Variants in WDR49 observed in about 807,000 individuals in gnomAD.
The protein encoded by WDR49 is cilia- and flagella-associated protein 337.
WDR49 carries 107 observed loss-of-function variants against 119.5 expected under a neutral mutation model. The observed-to-expected ratio is 0.90, with a 90% CI of 0.77 to 1.05. The LOEUF is 1.05. Among genes scored for constraint, WDR49 ranks in the 50% least tolerant of loss-of-function variants. The pLI is 0.00. For synonymous variants in WDR49, 425 were observed against 418.8 expected, an observed-to-expected ratio of 1.01 and a Z score of -0.18; for missense variants, 1,240 against 1,220.5, an observed-to-expected ratio of 1.02 and a Z score of -0.24.
intron 10 of WDR49, among the ~76,000 whole-genome samples, chr3:167,545,597 G>A (rs1402857363): frequency 6.7e-6 from 1 of 148,398 alleles, no homozygotes; most frequent in Non-Finnish European, 1.5e-5. Flanking sequence ...TATTCTAAGT[G>A]AAGTAACTCA....
intron 18 of WDR49, among the ~76,000 whole-genome samples, chr3:167,483,927 A>G (rs1750822175): frequency 6.6e-6 from 1 of 152,204 alleles, no homozygotes; most frequent in East Asian, 1.9e-4. Context: ...TAAATGCGTA[A>G]TGGTAATCAA....
chr3:167,544,278 T>C (rs1476203010), intron 10 of WDR49, among the ~76,000 whole-genome samples: 1 of 151,778 alleles, frequency 6.6e-6, no homozygotes, highest in Non-Finnish European at 1.5e-5. Flanking sequence ...CCCATGAAAA[T>C]ACCATCATCA....
chr3:167,510,545 C>T (rs1364865113), intron 16 of WDR49, among the ~76,000 whole-genome samples: 1 of 151,856 alleles, frequency 6.6e-6, no homozygotes. Context: ...AGAATTAGGC[C>T]TTTCTATTAA....
At chr3:167,622,604 A>G (rs1310620308) in intron 3 of WDR49, among the ~76,000 whole-genome samples, 1 of 152,160 alleles carries the variant, frequency 6.6e-6, no homozygotes, top group Non-Finnish European at 1.5e-5. Context: ...CAGAGTAGGC[A>G]TTTCAATAAT....
chr3:167,612,366 T>G (rs1228913566), intron 5 of WDR49, among the ~76,000 whole-genome samples: 1 of 147,668 alleles, frequency 6.8e-6, no homozygotes, highest in East Asian at 2.0e-4. Context: ...AGTGCCTTCA[T>G]CAAAAAAAAA....
At chr3:167,573,391 TACACACACACACAC>T (rs57955643) in intron 8 of WDR49, among the ~76,000 whole-genome samples, 8 of 142,362 alleles carry the variant, frequency 5.6e-5, no homozygotes, top group African/African-American at 1.5e-4. Flanking sequence ...TTATGTGGAA[TACACACACACACAC>T]ACACACACAC....
chr3:167,486,773 A>G (rs1216138732), intron 18 of WDR49, among the ~76,000 whole-genome samples: 3 of 152,082 alleles, frequency 2.0e-5, no homozygotes, highest in African/African-American at 7.2e-5. Context: ...CAACCACACA[A>G]TAATACTGAC....
chr3:167,528,077 A>T (rs567400728), intron 14 of WDR49, 60 bp from the exon 15 acceptor site: 10 of 1,434,898 alleles, frequency 7.0e-6, no homozygotes, highest in Admixed American at 6.3e-5. Context: ...TTACAATGAC[A>T]TAACACTTTT....
At chr3:167,544,549 A>C (rs948709812) in intron 10 of WDR49, among the ~76,000 whole-genome samples, 1 of 151,934 alleles carries the variant, frequency 6.6e-6, no homozygotes, top group Non-Finnish European at 1.5e-5. Context: ...CAAATACTTA[A>C]AGCCAACTAA....
At chr3:167,509,727 T>A (rs937342334) in intron 16 of WDR49, among the ~76,000 whole-genome samples, 1 of 152,172 alleles carries the variant, frequency 6.6e-6, no homozygotes, top group Non-Finnish European at 1.5e-5. Context: ...AATAAGATAT[T>A]CTAATATGTG....
rs1440504789 is a variant in WDR49, at chr3:167,510,358, CAT to C, written c.2775-4944_2775-4943del. ...AATTTTCCTAGGTTAGATAATTTTA[CAT>C]GAGTCCAAAAAACAAATATTCCTAT... On this transcript the variant is annotated intron_variant, in intron 16 of 18. Transcript: ENST00000682715. Among the ~76,000 whole-genome samples, 7 of 152,260 alleles carry C rather than the reference CAT, an allele frequency of 4.6e-5. No homozygotes were observed. In the East Asian group the frequency reaches 9.6e-4, roughly 21 times the overall value.
At chr3:167,487,741 G>T (rs548781380) in intron 18 of WDR49, among the ~76,000 whole-genome samples, 2 of 152,096 alleles carry the variant, frequency 1.3e-5, no homozygotes, top group East Asian at 3.9e-4. Flanking sequence ...CGTCCCAAAA[G>T]AAGACATACA....
chr3:167,546,073 G>A (rs1712178444), intron 10 of WDR49, among the ~76,000 whole-genome samples: 2 of 151,616 alleles, frequency 1.3e-5, no homozygotes, highest in African/African-American at 2.4e-5. Flanking sequence ...CTTTGAGGAG[G>A]GAGACAGTGA....
intron 18 of WDR49, among the ~76,000 whole-genome samples, chr3:167,490,499 T>C (rs1233667506): frequency 6.6e-6 from 1 of 152,212 alleles, no homozygotes; most frequent in Non-Finnish European, 1.5e-5. Context: ...TATCTACAAA[T>C]GCTTTCTTCC....
intron 10 of WDR49, among the ~76,000 whole-genome samples, chr3:167,551,498 T>C (rs1218213995): frequency 6.6e-6 from 1 of 152,068 alleles, no homozygotes; most frequent in African/African-American, 2.4e-5. Context: ...TGCTGTCTCA[T>C]GGTGTGATGA....
chr3:167,644,863 G>T (rs990112389), intron 2 of WDR49, among the ~76,000 whole-genome samples: 6 of 152,012 alleles, frequency 3.9e-5, no homozygotes, highest in Admixed American at 2.6e-4. Flanking sequence ...CCAATCTGAT[G>T]ATTATAAAAA....
intron 5 of WDR49, among the ~76,000 whole-genome samples, chr3:167,611,878 T>C (rs1716356681): frequency 6.6e-6 from 1 of 152,130 alleles, no homozygotes; most frequent in Admixed American, 6.5e-5. Context: ...TAGGCCTTGA[T>C]ACAATAATAC....
chr3:167,506,145 C>T (rs1052548775), intron 16 of WDR49, among the ~76,000 whole-genome samples: 3 of 152,172 alleles, frequency 2.0e-5, no homozygotes, highest in African/African-American at 7.2e-5. Context: ...GATCTTGACT[C>T]ACCCTCTTCC....
At chr3:167,575,112 T>C in intron 8 of WDR49, 1 of 985,416 alleles carries the variant, frequency 1.0e-6, no homozygotes. Context: ...TTTAATTGGC[T>C]GTAAGCTGGA....
Sources: gnomAD v4.1 joint callset for allele counts (sites outside exome capture counted in the v4.1 genomes callset) on GRCh38, gnomAD v4.1.1 for gene constraint, MANE v1.5 for transcripts, NCBI Gene and HGNC (gene_info 2026-07-23, HGNC 2026-07-21) for gene names.